NTRK3: variants seen among roughly 807,000 people sequenced by gnomAD.
NTRK3 encodes the protein neurotrophic receptor tyrosine kinase 3.
Under a neutral mutation model 91.7 loss-of-function variants are expected in NTRK3, and 24 were observed. That is an observed-to-expected ratio of 0.26 (90% CI 0.19 to 0.37). The LOEUF is 0.37. Ranked by LOEUF, NTRK3 falls within the 10% of genes least tolerant of loss-of-function variation. The pLI, the probability that NTRK3 is intolerant of heterozygous loss-of-function variation, is 1.00. For missense variants in NTRK3, 880 were observed against 1,068.9 expected, an observed-to-expected ratio of 0.82 and a Z score of 2.46; for synonymous variants, 483 against 404.0, an observed-to-expected ratio of 1.20 and a Z score of -2.34.
intron 14 of NTRK3, among the ~76,000 whole-genome samples, chr15:87,980,393 G>C (rs2074128775): frequency 1.3e-5 from 2 of 152,126 alleles, no homozygotes; most frequent in South Asian, 4.1e-4. Flanking sequence ...TTGCATGTGT[G>C]TTTGCATGTG....
intron 13 of NTRK3, among the ~76,000 whole-genome samples, chr15:88,114,883 A>G (rs1202917792): frequency 1.3e-5 from 2 of 152,228 alleles, no homozygotes; most frequent in African/African-American, 4.8e-5. Flanking sequence ...TAAGGTCTGC[A>G]TTGTATTTAT....
intron 3 of NTRK3, among the ~76,000 whole-genome samples, chr15:88,252,368 G>GGGAGGGCCATGGAAAT (rs2053492406): frequency 6.6e-6 from 1 of 152,184 alleles, no homozygotes; most frequent in Non-Finnish European, 1.5e-5. Context: ...AGCCAGAAGA[G>GGGAGGGCCATGGAAAT]GGCCTTCAGG....
At chr15:88,189,714 G>A (rs2151663471) in intron 3 of NTRK3, among the ~76,000 whole-genome samples, 1 of 152,254 alleles carries the variant, frequency 6.6e-6, no homozygotes, top group South Asian at 2.1e-4. Context: ...AAAGTGCTGG[G>A]ATTACAGGCG....
At chr15:87,993,674 C>A (rs948778968) in intron 14 of NTRK3, among the ~76,000 whole-genome samples, 3 of 152,182 alleles carry the variant, frequency 2.0e-5, no homozygotes, top group African/African-American at 7.2e-5. Flanking sequence ...CAAGCATCAG[C>A]ATTTTGCAGT....
intron 13 of NTRK3, among the ~76,000 whole-genome samples, chr15:88,057,989 C>T (rs905487563): frequency 4.6e-5 from 7 of 152,198 alleles, no homozygotes; most frequent in African/African-American, 1.4e-4. Flanking sequence ...GGGCCAGGGA[C>T]GGAGAGCCGA....
chr15:88,186,282 C>G (rs559476356), intron 3 of NTRK3, among the ~76,000 whole-genome samples: 1 of 152,296 alleles, frequency 6.6e-6, no homozygotes, highest in African/African-American at 2.4e-5. Context: ...ATTAGAATTC[C>G]ATAAATGTGT....
chr15:88,117,337 C>G (rs1012439477), intron 13 of NTRK3, among the ~76,000 whole-genome samples: 3 of 152,204 alleles, frequency 2.0e-5, no homozygotes, highest in Admixed American at 2.0e-4. Context: ...GTCTGGCACA[C>G]AGTAGGTACT....
chr15:87,922,671 C>G (rs1052228081), intron 17 of NTRK3, among the ~76,000 whole-genome samples: 1 of 152,186 alleles, frequency 6.6e-6, no homozygotes, highest in Non-Finnish European at 1.5e-5. Flanking sequence ...ACAATACAGG[C>G]TTTTAGTCAA....
chr15:88,255,793 C>A lies in NTRK3; in HGVS notation c.248+113G>T. On this transcript the variant is annotated intron_variant, in intron 3 of 18. Transcript: ENST00000394480. The surrounding 1 kb of genome is among the most constrained non-coding windows in gnomAD (Gnocchi z 4.3). The stretch of plus-strand genomic sequence containing the variant: ...GCGAGCCTGACGCGCGCCCAGCGGG[C>A]GGCGGGCAGCGGCGAGCTGGGGCGG... 2 of 861,228 alleles carry A rather than the reference C, an allele frequency of 2.3e-6. No individual in the cohort carries two copies. The highest frequency in any genetic ancestry group is 3.2e-6 in the Non-Finnish European group (2 of 632,752). 53.3% of individuals were successfully genotyped at this position (861,228 alleles called of 1,614,324 possible).
rs1596031539 is a variant in NTRK3 at position 87,866,457 on chromosome 15, CT to C, written c.*10477del. On this transcript the variant is annotated 3_prime_UTR_variant, in exon 19 of 19. Coordinates refer to ENST00000394480, the Ensembl canonical transcript of NTRK3. ...TATATATATATATACACACACACCCCTATATATATGTAAACTATATATATCC... is the reference window on the plus strand; with the variant it reads ...TATATATATATATACACACACACCCCATATATATGTAAACTATATATATCC... The C allele has an allele frequency of 1.3e-4, 22 of 167,440 alleles. No individual in the cohort carries two copies. In the East Asian group the frequency reaches 2.5e-3, roughly 19 times the overall value. 10.4% of individuals were successfully genotyped at this position (167,440 alleles called of 1,614,324 possible). A position where few individuals can be genotyped will look rare whatever the true frequency, so the allele number is the denominator to read the frequency against.
intron 17 of NTRK3, among the ~76,000 whole-genome samples, chr15:87,913,651 C>T (rs1015740096): frequency 3.3e-5 from 5 of 152,196 alleles, no homozygotes; most frequent in Non-Finnish European, 7.3e-5. Context: ...ATAAGATTTG[C>T]AAGCAACAAA....
At chr15:88,164,786 G>A (rs1448141475) in intron 5 of NTRK3, among the ~76,000 whole-genome samples, 1 of 151,970 alleles carries the variant, frequency 6.6e-6, no homozygotes, top group African/African-American at 2.4e-5. Context: ...TTATGATTCA[G>A]GGCTTTAATT....
chr15:88,119,345 G>A lies in NTRK3; in HGVS notation c.1396+6926C>T, dbSNP rs78194140. Among the ~76,000 whole-genome samples the A allele has an allele frequency of 8.0e-3, 1,221 of 152,320 alleles. 11 individuals carry two copies. Among genetic ancestry groups the A allele is most frequent in the African/African-American group, 0.028 (1,148 of 41,572 alleles). On this transcript the variant is annotated intron_variant, in intron 13 of 18. Transcript: ENST00000394480. Reference sequence around the variant, plus strand: ...TGAAGTTCAAAGCAGAGAAGGAGACGCAGAAGACCCCTGGCTTCTATAAAT... The same window carrying A: ...TGAAGTTCAAAGCAGAGAAGGAGACACAGAAGACCCCTGGCTTCTATAAAT...
intron 3 of NTRK3, among the ~76,000 whole-genome samples, chr15:88,229,722 T>C (rs150776614): frequency 2.0e-5 from 3 of 152,324 alleles, no homozygotes; most frequent in South Asian, 4.1e-4. Context: ...CACCTGCTCA[T>C]GGGCACTTGC....
At chr15:88,054,750 TTGATGATGA>T (rs760244120) in intron 13 of NTRK3, among the ~76,000 whole-genome samples, 1 of 151,832 alleles carries the variant, frequency 6.6e-6, no homozygotes, top group Non-Finnish European at 1.5e-5. Context: ...TCTGAAAATA[TTGATGATGA>T]TGATGATGAT....
intron 17 of NTRK3, among the ~76,000 whole-genome samples, chr15:87,902,593 G>A (rs185553226): frequency 1.3e-5 from 2 of 152,154 alleles, no homozygotes; most frequent in South Asian, 2.1e-4. Flanking sequence ...GGCTCTACAT[G>A]GTGACATTAT....
At chr15:88,099,071 C>A (rs2150846584) in intron 13 of NTRK3, 2 of 231,230 alleles carry the variant, frequency 8.6e-6, no homozygotes, top group Admixed American at 5.6e-5. Flanking sequence ...CTGGAGAGCA[C>A]AGGGCTGAAA....
intron 13 of NTRK3, among the ~76,000 whole-genome samples, chr15:88,122,154 G>GTT (rs1363176751): frequency 1.3e-5 from 2 of 152,218 alleles, no homozygotes; most frequent in African/African-American, 4.8e-5. Flanking sequence ...CACTCACAGA[G>GTT]TAATGCATTT....
At chr15:87,998,365 A>C (rs1233384094) in intron 14 of NTRK3, among the ~76,000 whole-genome samples, 1 of 152,234 alleles carries the variant, frequency 6.6e-6, no homozygotes, top group African/African-American at 2.4e-5. Context: ...ACAAGAGCTG[A>C]GAATGTCATA....
Sources: gnomAD v4.1 joint callset for allele counts (sites outside exome capture counted in the v4.1 genomes callset) on GRCh38, gnomAD v4.1.1 for gene constraint, Gnocchi (gnomAD v3.1) non-coding constraint, MANE v1.5 for transcripts, NCBI Gene and HGNC (gene_info 2026-07-23, HGNC 2026-07-21) for gene names.